The following AFF3 variants were observed in gnomAD, a reference collection of about 807,000 sequenced individuals.
AFF3 encodes the protein AF4/FMR2 family member 3.
In AFF3, 32 loss-of-function variants were observed where a neutral mutation model predicts 129.7. The ratio of observed to expected loss-of-function variants is 0.25; its 90% CI spans 0.19 to 0.33. The LOEUF (loss-of-function observed/expected upper bound fraction) is 0.33. Ranked by LOEUF, AFF3 falls within the 10% of genes least tolerant of loss-of-function variation. The probability of loss-of-function intolerance (pLI) is 1.00; values close to 1 mark genes in which losing one functional copy is unlikely to be tolerated. For missense variants in AFF3, 1,373 were observed against 1,592.0 expected (o/e 0.86, Z 2.34); for synonymous variants, 644 against 635.4 (o/e 1.01, Z -0.20).
intron 4 of AFF3, among the ~76,000 whole-genome samples, chr2:100,086,330 G>C (rs753260182): frequency 8.2e-4 from 125 of 151,668 alleles, no homozygotes; most frequent in Non-Finnish European, 1.4e-3. Flanking sequence ...AGACCATCCT[G>C]GCCAACAAGG....
At chr2:99,760,753 C>T (rs57107769) in intron 8 of AFF3, among the ~76,000 whole-genome samples, 10,639 of 152,118 alleles carry the variant, frequency 0.07, 1,235 homozygotes, top group African/African-American at 0.24. Context: ...CCACTTACTC[C>T]AAAGTCTAGC....
intron 13 of AFF3, among the ~76,000 whole-genome samples, chr2:99,632,931 G>A (rs1263750457): frequency 6.6e-6 from 1 of 152,188 alleles, no homozygotes; most frequent in African/African-American, 2.4e-5. Flanking sequence ...AACCATGGAG[G>A]TGAAGAGTTG....
chr2:99,634,787 T>G (rs1683463937), intron 13 of AFF3, among the ~76,000 whole-genome samples: 1 of 152,014 alleles, frequency 6.6e-6, no homozygotes, highest in Admixed American at 6.6e-5. Context: ...AGAAGGATGG[T>G]TGAAGTCCCC....
At position 99,981,520 on chromosome 2, in the gene AFF3, C is replaced by T. The variant is rs183636789; in HGVS notation, c.873+25112G>A. Among the ~76,000 whole-genome samples the T allele has an allele frequency of 3.7e-3, 559 of 152,294 alleles. 3 individuals are homozygous for T. Among genetic ancestry groups the T allele is most frequent in the African/African-American group, 0.013 (533 of 41,570 alleles). On this transcript the variant is annotated intron_variant, in intron 7 of 24. Coordinates refer to ENST00000672756, the MANE Select transcript of AFF3 (RefSeq NM_001386135.1). ...TTAGATTAGAATCTTGGTTCCCAATCCTTCACTTTTTCAAGTGAAGGATTT... is the reference window on the plus strand; with the variant it reads ...TTAGATTAGAATCTTGGTTCCCAATTCTTCACTTTTTCAAGTGAAGGATTT...
intron 11 of AFF3, among the ~76,000 whole-genome samples, chr2:99,693,003 G>A (rs1199975501): frequency 1.3e-5 from 2 of 152,204 alleles, no homozygotes; most frequent in Admixed American, 1.3e-4. Flanking sequence ...GCCCTCTGCA[G>A]GGCAAACTGC....
intron 3 of AFF3, 140 bp downstream of exon 3, chr2:100,105,364 A>G: frequency 8.0e-7 from 1 of 1,252,528 alleles, no homozygotes; most frequent in Non-Finnish European, 1.0e-6. Context: ...CCGCAAGTTC[A>G]GCGAAATAAA....
At chr2:99,597,045 C>A (rs930447311) in intron 14 of AFF3, among the ~76,000 whole-genome samples, 1 of 152,206 alleles carries the variant, frequency 6.6e-6, no homozygotes, top group African/African-American at 2.4e-5. Context: ...TGTATTATCT[C>A]ATTTAATCTT....
intron 3 of AFF3, 96 bp downstream of exon 3, chr2:100,105,408 C>G (rs1220454545): frequency 7.6e-7 from 1 of 1,308,468 alleles, no homozygotes; most frequent in Non-Finnish European, 1.0e-6. Flanking sequence ...TCCACCCGGA[C>G]CTGCTCTCCG....
chr2:99,633,339 C>T (rs758374543), intron 13 of AFF3, among the ~76,000 whole-genome samples: 4 of 152,020 alleles, frequency 2.6e-5, no homozygotes, highest in Non-Finnish European at 4.4e-5. Flanking sequence ...AAAAGGCAAG[C>T]AGATGGTGCT....
chr2:99,812,106 G>T (rs1686835541), intron 8 of AFF3, among the ~76,000 whole-genome samples: 1 of 152,162 alleles, frequency 6.6e-6, no homozygotes, highest in Non-Finnish European at 1.5e-5. Flanking sequence ...AATGATTCTT[G>T]TGCCCAATGC....
intron 11 of AFF3, among the ~76,000 whole-genome samples, chr2:99,712,884 T>TTGTAC (rs1460207635): frequency 6.6e-5 from 10 of 152,326 alleles, no homozygotes; most frequent in Admixed American, 5.2e-4. Context: ...TCTGTACATA[T>TTGTAC]AATGGAATAT....
At chr2:99,968,305 T>G (rs996094866) in intron 7 of AFF3, among the ~76,000 whole-genome samples, 4 of 152,180 alleles carry the variant, frequency 2.6e-5, no homozygotes, top group African/African-American at 9.7e-5. Flanking sequence ...AAAACATACT[T>G]TTGCCCTTAA....
At chr2:99,871,105 AACT>A (rs1397902634) in intron 7 of AFF3, among the ~76,000 whole-genome samples, 8 of 152,180 alleles carry the variant, frequency 5.3e-5, no homozygotes, top group African/African-American at 1.2e-4. Flanking sequence ...TTGTGCACAA[AACT>A]ACTAAAATAT....
At chr2:99,552,156 C>T (rs777254475) in intron 24 of AFF3, among the ~76,000 whole-genome samples, 4 of 152,116 alleles carry the variant, frequency 2.6e-5, no homozygotes, top group African/African-American at 4.8e-5. Flanking sequence ...GAGGCTGAGG[C>T]GGGTAGAACG....
intron 8 of AFF3, among the ~76,000 whole-genome samples, chr2:99,836,715 T>A (rs892044138): frequency 6.6e-6 from 1 of 152,208 alleles, no homozygotes; most frequent in Non-Finnish European, 1.5e-5. Context: ...AAAGTGTTTT[T>A]TTTTTTACAG....
intron 7 of AFF3, among the ~76,000 whole-genome samples, chr2:99,882,509 G>C (rs1438982916): frequency 6.6e-6 from 1 of 152,152 alleles, no homozygotes; most frequent in East Asian, 1.9e-4. Flanking sequence ...CAGTCTGCCT[G>C]GTTCATGAGG....
intron 8 of AFF3, among the ~76,000 whole-genome samples, chr2:99,827,625 A>G (rs1029041904): frequency 1.3e-5 from 2 of 151,920 alleles, no homozygotes; most frequent in Admixed American, 6.6e-5. Flanking sequence ...AAGAGCTGCA[A>G]GCAATGTAGC....
At chr2:100,046,819 G>A (rs12712063) in intron 4 of AFF3, among the ~76,000 whole-genome samples, 53,448 of 151,930 alleles carry the variant, frequency 0.35, 9,551 homozygotes, top group Middle Eastern at 0.46. Context: ...AGCAGGTACC[G>A]TCCCTCTTGT....
intron 8 of AFF3, among the ~76,000 whole-genome samples, chr2:99,778,066 G>A (rs1406222133): frequency 6.7e-6 from 1 of 148,766 alleles, no homozygotes; most frequent in Non-Finnish European, 1.5e-5. Context: ...GTGCAATAAA[G>A]ACAGGTTTCA....
Sources: allele counts gnomAD v4.1 joint callset (sites outside exome capture counted in the v4.1 genomes callset), GRCh38; gene constraint gnomAD v4.1.1; transcripts MANE v1.5; gene names NCBI Gene and HGNC (gene_info 2026-07-23, HGNC 2026-07-21).